The following CTTNBP2NL variants were observed in gnomAD, a reference collection of about 807,000 sequenced individuals.
CTTNBP2NL encodes the protein CTTNBP2 N-terminal-like protein.
A neutral mutation model predicts 32.5 loss-of-function variants in CTTNBP2NL; 16 were observed. That is an observed-to-expected ratio of 0.49 (90% CI 0.33 to 0.75). The LOEUF is 0.75. CTTNBP2NL is among the 30% of genes least tolerant of loss of function. The pLI, the probability that CTTNBP2NL is intolerant of heterozygous loss-of-function variation, is 0.02. For missense variants in CTTNBP2NL, 645 were observed against 756.0 expected, an observed-to-expected ratio of 0.85 and a Z score of 1.72; for synonymous variants, 298 against 289.4, an observed-to-expected ratio of 1.03 and a Z score of -0.30.
At position 112,456,061 on chromosome 1, in the gene CTTNBP2NL, C is replaced by T; in HGVS notation, c.569C>T (p.Thr190Ile). The change falls in exon 6 of 6, where the codon ACC (threonine) becomes ATC (isoleucine). Residue 190 changes from threonine to isoleucine, a missense_variant. Transcript: ENST00000271277. The stretch of plus-strand genomic sequence containing the variant: ...CTAGTGCTTGAGTGCAAGAAAGCCA[C>T]CAACAAGGCAGCCGAGGAAGGACAG... ...SMLVLECKKA[T>I]NKAAEEGQKA... The T allele has an allele frequency of 1.2e-6, 2 of 1,614,098 alleles. No individual in the cohort carries two copies. The highest frequency in any genetic ancestry group is 1.7e-6 in the Non-Finnish European group (2 of 1,180,016).
In CTTNBP2NL at chr1:112,438,556, CTTTA is replaced by C. The variant is rs539842715; in HGVS notation, c.100-10378_100-10375del. ...CTTCCTCTTTTCTTATTTGGATGCC[CTTTA>C]TTTATTTCTCTTGCCTGATTGCCCT... On this transcript the variant is annotated intron_variant, in intron 3 of 5. Transcript: ENST00000271277. Among the ~76,000 whole-genome samples, 231 of 152,142 alleles carry C rather than the reference CTTTA, an allele frequency of 1.5e-3. 1 individual carries two copies. Among genetic ancestry groups the C allele is most frequent in the African/African-American group, 5.4e-3 (225 of 41,488 alleles).
At chr1:112,449,222 T>A in intron 4 of CTTNBP2NL, 50 bp downstream of exon 4, 2 of 1,076,584 alleles carry the variant, frequency 1.9e-6, no homozygotes, top group Non-Finnish European at 2.8e-6. Context: ...CTTTATAAAT[T>A]ATGCCTGATA....
At chr1:112,453,465 T>G (rs893589466) in intron 4 of CTTNBP2NL, among the ~76,000 whole-genome samples, 1 of 152,040 alleles carries the variant, frequency 6.6e-6, no homozygotes, top group African/African-American at 2.4e-5. Flanking sequence ...TAAATTTGTA[T>G]TCTTGGCCAT....
chr1:112,412,515 T>A (rs1189695021), intron 2 of CTTNBP2NL, among the ~76,000 whole-genome samples, 198 bp downstream of exon 2: 2 of 151,972 alleles, frequency 1.3e-5, no homozygotes, highest in Non-Finnish European at 1.5e-5. Context: ...CAAAAACAGA[T>A]CTGTTGGTTC....
intron 1 of CTTNBP2NL, among the ~76,000 whole-genome samples, chr1:112,402,021 C>G (rs1570712321): frequency 6.6e-6 from 1 of 152,310 alleles, no homozygotes; most frequent in East Asian, 1.9e-4. Context: ...GACAAAGACT[C>G]CTGACCGTGA....
chr1:112,409,679 G>A (rs1032938876), intron 1 of CTTNBP2NL, among the ~76,000 whole-genome samples: 3 of 152,044 alleles, frequency 2.0e-5, no homozygotes, highest in South Asian at 2.1e-4. Context: ...TTCTTTTTCC[G>A]CCATTCAGTC....
chr1:112,421,205 G>A (rs191836962), intron 3 of CTTNBP2NL, among the ~76,000 whole-genome samples: 6 of 151,978 alleles, frequency 3.9e-5, no homozygotes, highest in South Asian at 2.1e-4. Flanking sequence ...TTGGGAGGCC[G>A]AGGCAGGAGG....
Position 112,449,048 on chromosome 1 carries a change from A to T in CTTNBP2NL, c.206A>T (p.Asp69Val). 1 of 1,612,464 alleles carries T rather than the reference A, an allele frequency of 6.2e-7. No individual in the cohort carries two copies. Among genetic ancestry groups the T allele is most frequent in the East Asian group, 2.2e-5 (1 of 44,858 alleles). ...RDFETLKEKN[D>V]GEKQPVCTNP... ...TTTGAAACACTGAAGGAGAAAAATG[A>T]TGGCGAAAAGCAGCCAGTCTGCACA... Residue 69 changes from aspartate to valine, a missense_variant, in exon 4 of 6, where the codon GAT (aspartate) becomes GTT (valine). Physicochemically the swap from Asp to Val is radical, Grantham distance 152 (BLOSUM62 -3). Transcript: ENST00000271277.
chr1:112,452,626 G>T lies in CTTNBP2NL; in HGVS notation c.331-1823G>T, dbSNP rs181371434. ...CCCAAAGTGCTGAGATTACAGGCATGAGCCACCACTCCTGGCCTCTTTTTT... is the reference window on the plus strand; with the variant it reads ...CCCAAAGTGCTGAGATTACAGGCATTAGCCACCACTCCTGGCCTCTTTTTT... On this transcript the variant is annotated intron_variant, in intron 4 of 5. Transcript: ENST00000271277. Among the ~76,000 whole-genome samples the T allele has an allele frequency of 3.6e-3, 519 of 142,836 alleles. 15 individuals are homozygous for T. The highest frequency in any genetic ancestry group is 0.013 in the African/African-American group (477 of 37,438). The allele number at this position is 142,836 out of a possible 152,430, so 93.7% of individuals were successfully genotyped here. A position where few individuals can be genotyped will look rare whatever the true frequency, so the allele number is the denominator to read the frequency against.
At position 112,445,609 on chromosome 1, in the gene CTTNBP2NL, C is replaced by T. The variant is rs114132632; in HGVS notation, c.100-3333C>T. ...AAGGAGTCTTCTTGAGGTTATTCCA[C>T]AGATCCTTTTCCTTTACAGGCAAAG... On this transcript the variant is annotated intron_variant, in intron 3 of 5. Transcript: ENST00000271277. Among the ~76,000 whole-genome samples the T allele has an allele frequency of 2.3e-3, 345 of 152,294 alleles. 2 individuals carry two copies. The highest frequency in any genetic ancestry group is 7.8e-3 in the African/African-American group (324 of 41,556).
Position 112,454,575 on chromosome 1 carries a change from T to G in CTTNBP2NL, c.438+19T>G. 13 of 1,484,926 alleles carry G rather than the reference T, an allele frequency of 8.8e-6. No homozygotes were observed. Among genetic ancestry groups the G allele is most frequent in the African/African-American group, 1.4e-5 (1 of 72,540 alleles). 92.0% of individuals were successfully genotyped at this position (1,484,926 alleles called of 1,614,324 possible). On this transcript the variant is annotated intron_variant, in intron 5 of 5. Coordinates refer to ENST00000271277, the MANE Select transcript of CTTNBP2NL (RefSeq NM_018704.3). The stretch of plus-strand genomic sequence containing the variant: ...TCAACAGGTAATTAAGGTAGAGGGA[T>G]TCACAGTAGCATTTGCCTGGAACAG...
At chr1:112,434,429 A>G (rs1405389254) in intron 3 of CTTNBP2NL, among the ~76,000 whole-genome samples, 2 of 152,154 alleles carry the variant, frequency 1.3e-5, no homozygotes, top group African/African-American at 2.4e-5. Flanking sequence ...ATCAGGTGCT[A>G]AAACCTGTTG....
chr1:112,434,342 T>C (rs1649663858), intron 3 of CTTNBP2NL, among the ~76,000 whole-genome samples: 1 of 152,214 alleles, frequency 6.6e-6, no homozygotes, highest in South Asian at 2.1e-4. Flanking sequence ...TCTGTTTTGG[T>C]TAATGGCATC....
chr1:112,420,466 T>C (rs1423550011), intron 3 of CTTNBP2NL, among the ~76,000 whole-genome samples: 1 of 151,684 alleles, frequency 6.6e-6, no homozygotes, highest in African/African-American at 2.4e-5. Flanking sequence ...TTTATTCCTA[T>C]GCTCTGTTTC....
In CTTNBP2NL at chr1:112,456,839, A is replaced by T. The variant is rs1650381261; in HGVS notation, c.1347A>T (p.Ser449=). The change falls in exon 6 of 6, where the codon TCA becomes TCT. Residue 449 remains serine, a synonymous_variant. Coordinates refer to ENST00000271277, the MANE Select transcript of CTTNBP2NL (RefSeq NM_018704.3). The stretch of plus-strand genomic sequence containing the variant: ...CAGCTAGCAGCCCTGGCTACCAGTC[A>T]TCGTACCAAGTAGGGATCAACCAAC... ...GSSASSPGYQ[S]SYQVGINQRF... is the part of the protein sequence containing the mutation. 3 of 1,613,972 alleles carry T rather than the reference A, an allele frequency of 1.9e-6. No individual in the cohort carries two copies. The highest frequency in any genetic ancestry group is 1.7e-6 in the Non-Finnish European group (2 of 1,180,052).
At chr1:112,436,546 CTG>C (rs1286618766) in intron 3 of CTTNBP2NL, among the ~76,000 whole-genome samples, 9 of 152,138 alleles carry the variant, frequency 5.9e-5, no homozygotes, top group African/African-American at 2.2e-4. Flanking sequence ...ACAGGTCTCA[CTG>C]TGTTGCCCAG....
At chr1:112,403,738 A>G (rs1648574660) in intron 1 of CTTNBP2NL, among the ~76,000 whole-genome samples, 1 of 152,266 alleles carries the variant, frequency 6.6e-6, no homozygotes, top group East Asian at 1.9e-4. Flanking sequence ...TAATCTAAGC[A>G]GAAGGCTGGC....
At chr1:112,412,700 TC>T (rs2100999184) in intron 2 of CTTNBP2NL, among the ~76,000 whole-genome samples, 1 of 141,430 alleles carries the variant, frequency 7.1e-6, no homozygotes, top group East Asian at 2.4e-4. Flanking sequence ...CACTGCCATC[TC>T]CACCTCCCAG....
Position 112,456,102 on chromosome 1 carries a change from A to G in CTTNBP2NL, c.610A>G (p.Ser204Gly). Residue 204 changes from serine (S) to glycine (G), a missense_variant, in exon 6 of 6, where the codon AGC becomes GGC. Transcript: ENST00000271277. The part of the protein sequence containing the change: ...AEEGQKAGEL[S>G]LKLEKEKSRV... ...GGAAGGACAGAAGGCAGGAGAGCTG[A>G]GCCTGAAATTGGAGAAGGAGAAGAG... is the stretch of plus-strand genomic sequence containing the variant. The G allele has an allele frequency of 3.1e-6, 5 of 1,614,142 alleles. No homozygotes were observed. The highest frequency in any genetic ancestry group is 4.2e-6 in the Non-Finnish European group (5 of 1,180,028).
Sources: gnomAD v4.1 joint callset for allele counts (sites outside exome capture counted in the v4.1 genomes callset) on GRCh38, gnomAD v4.1.1 for gene constraint, MANE v1.5 for transcripts, NCBI Gene and HGNC (gene_info 2026-07-23, HGNC 2026-07-21) for gene names.